Variants in UBE2E2 observed in about 807,000 individuals in gnomAD.
UBE2E2 encodes ubiquitin conjugating enzyme E2 E2, also known as ubiquitin-conjugating enzyme E2 E2.
A neutral mutation model predicts 24.7 loss-of-function variants in UBE2E2; 6 were observed. The observed-to-expected ratio is 0.24, with a 90% CI of 0.13 to 0.48. The LOEUF is 0.48. Ranked by LOEUF, UBE2E2 falls within the 20% of genes least tolerant of loss-of-function variation. UBE2E2 has a pLI of 0.99. For synonymous variants in UBE2E2, 104 were observed against 83.6 expected, an observed-to-expected ratio of 1.24 and a Z score of -1.33; for missense variants, 169 against 245.0, an observed-to-expected ratio of 0.69 and a Z score of 2.07.
Position 23,282,729 on chromosome 3 carries a change from A to C in UBE2E2, c.227+65417A>C, listed in dbSNP as rs186380659. On this transcript the variant is annotated intron_variant, in intron 3 of 5. Coordinates refer to ENST00000396703, the MANE Select transcript of UBE2E2 (RefSeq NM_152653.4). The stretch of plus-strand genomic sequence containing the variant: ...AAAAAAATACTGTCAGTATATTGTC[A>C]AAACCGGAGAATATGAAGTAAACTT... Among the ~76,000 whole-genome samples, 24 of 152,308 alleles carry C rather than the reference A, an allele frequency of 1.6e-4. No individual in the cohort carries two copies. In the South Asian group the frequency reaches 2.7e-3, roughly 17 times the overall value.
chr3:23,305,951 A>G (rs1348032179), intron 3 of UBE2E2, among the ~76,000 whole-genome samples: 1 of 152,166 alleles, frequency 6.6e-6, no homozygotes, highest in Non-Finnish European at 1.5e-5. Context: ...GACTATTATT[A>G]TGAAACTTTG....
intron 3 of UBE2E2, among the ~76,000 whole-genome samples, chr3:23,303,074 G>T (rs1006712353): frequency 1.2e-4 from 19 of 152,178 alleles, no homozygotes; most frequent in African/African-American, 4.6e-4. Context: ...CCTCCCGTCA[G>T]ATCAGCGATG....
chr3:23,256,787 C>T (rs550523059), intron 3 of UBE2E2, among the ~76,000 whole-genome samples: 4 of 152,162 alleles, frequency 2.6e-5, no homozygotes, highest in South Asian at 2.1e-4. Flanking sequence ...GGCCTGCATG[C>T]GTCCTTGCTC....
intron 3 of UBE2E2, among the ~76,000 whole-genome samples, chr3:23,460,038 G>A (rs1002707561): frequency 1.1e-4 from 16 of 152,128 alleles, no homozygotes; most frequent in Admixed American, 9.8e-4. Flanking sequence ...AGAATTCCTG[G>A]CAAGAAGATT....
At chr3:23,294,567 C>T (rs889829105) in intron 3 of UBE2E2, among the ~76,000 whole-genome samples, 20 of 143,508 alleles carry the variant, frequency 1.4e-4, no homozygotes, top group African/African-American at 4.9e-4. Context: ...TTATTTTTAT[C>T]TTTAGATTTT....
upstream of UBE2E2, chr3:23,203,305 C>G: frequency 6.1e-6 from 6 of 987,344 alleles, no homozygotes; most frequent in Non-Finnish European, 7.2e-6. Context: ...CAGGCGTGGT[C>G]GGGTGCGTGG....
At chr3:23,487,819 C>G (rs368982602) in intron 3 of UBE2E2, among the ~76,000 whole-genome samples, 1 of 152,090 alleles carries the variant, frequency 6.6e-6, no homozygotes, top group African/African-American at 2.4e-5. Context: ...CTTTATTATT[C>G]TTCAACAAGC....
chr3:23,240,079 G>T (rs1697218715), intron 3 of UBE2E2, among the ~76,000 whole-genome samples: 1 of 152,082 alleles, frequency 6.6e-6, no homozygotes, highest in Admixed American at 6.6e-5. Flanking sequence ...TATAGACTGG[G>T]AGAATAGGCA....
chr3:23,380,207 C>G (rs1696634773), intron 3 of UBE2E2, among the ~76,000 whole-genome samples: 1 of 150,894 alleles, frequency 6.6e-6, no homozygotes, highest in Non-Finnish European at 1.5e-5. Flanking sequence ...CATCCCATTT[C>G]TTCTTTATTA....
intron 3 of UBE2E2, among the ~76,000 whole-genome samples, chr3:23,444,360 A>C (rs960621235): frequency 1.3e-5 from 2 of 152,116 alleles, no homozygotes; most frequent in Non-Finnish European, 2.9e-5. Flanking sequence ...CTACTGATGT[A>C]CTGGCTTGAG....
chr3:23,218,475 T>C (rs1696541385), intron 3 of UBE2E2, among the ~76,000 whole-genome samples: 1 of 152,082 alleles, frequency 6.6e-6, no homozygotes, highest in South Asian at 2.1e-4. Context: ...AGTGGATGGA[T>C]TTGTGGAAAA....
At chr3:23,278,204 A>T (rs1392807787) in intron 3 of UBE2E2, among the ~76,000 whole-genome samples, 1 of 152,140 alleles carries the variant, frequency 6.6e-6, no homozygotes, top group African/African-American at 2.4e-5. Context: ...CTTGCATATT[A>T]ACACATAATT....
At chr3:23,420,855 A>T (rs991360490) in intron 3 of UBE2E2, among the ~76,000 whole-genome samples, 2 of 152,232 alleles carry the variant, frequency 1.3e-5, no homozygotes, top group Non-Finnish European at 2.9e-5. Flanking sequence ...ATTTAGGCCC[A>T]CAAAACCCCT....
At chr3:23,464,089 A>G (rs1341115333) in intron 3 of UBE2E2, among the ~76,000 whole-genome samples, 1 of 152,156 alleles carries the variant, frequency 6.6e-6, no homozygotes, top group Non-Finnish European at 1.5e-5. Context: ...CGACTTTGAC[A>G]GAGGAGCTTA....
chr3:23,564,760 G>T (rs1420465868), intron 5 of UBE2E2, among the ~76,000 whole-genome samples: 1 of 152,120 alleles, frequency 6.6e-6, no homozygotes, highest in East Asian at 1.9e-4. Context: ...CAAGAAGCCA[G>T]GTTTCTACAA....
At chr3:23,291,681 G>A (rs894774188) in intron 3 of UBE2E2, among the ~76,000 whole-genome samples, 21 of 138,964 alleles carry the variant, frequency 1.5e-4, no homozygotes, top group Admixed American at 1.1e-3. Context: ...CTATTTAAGG[G>A]GCTTTTTTTT....
chr3:23,335,328 A>G (rs765782963), intron 3 of UBE2E2, among the ~76,000 whole-genome samples: 5 of 152,152 alleles, frequency 3.3e-5, no homozygotes, highest in Non-Finnish European at 5.9e-5. Context: ...GGCGTAGTTC[A>G]TTTCTGCCCT....
intron 3 of UBE2E2, among the ~76,000 whole-genome samples, chr3:23,457,031 G>T (rs1698694659): frequency 6.6e-6 from 1 of 152,206 alleles, no homozygotes; most frequent in Admixed American, 6.5e-5. Context: ...GTAATAAGAA[G>T]AATGCTGAGG....
intron 3 of UBE2E2, among the ~76,000 whole-genome samples, chr3:23,402,123 G>T (rs1001709343): frequency 1.3e-5 from 2 of 152,000 alleles, no homozygotes; most frequent in African/African-American, 4.8e-5. Flanking sequence ...CAAAGTGCTG[G>T]GATTACAGGC....
Sources: allele counts gnomAD v4.1 joint callset (sites outside exome capture counted in the v4.1 genomes callset), GRCh38; gene constraint gnomAD v4.1.1; transcripts MANE v1.5; gene names NCBI Gene and HGNC (gene_info 2026-07-23, HGNC 2026-07-21).